BRINP3: variants seen among roughly 807,000 people sequenced by gnomAD.
The protein encoded by BRINP3 is BMP/retinoic acid-inducible neural-specific protein 3.
In BRINP3, 19 loss-of-function variants were observed where a neutral mutation model predicts 71.0. The ratio of observed to expected loss-of-function variants is 0.27; its 90% CI spans 0.19 to 0.39. The LOEUF (loss-of-function observed/expected upper bound fraction) is 0.39. Ranked by LOEUF, BRINP3 falls within the 10% of genes least tolerant of loss-of-function variation. BRINP3 has a pLI of 1.00. For missense variants in BRINP3, 959 were observed against 940.8 expected (o/e 1.02, Z -0.25); for synonymous variants, 380 against 337.7 (o/e 1.13, Z -1.37).
intron 2 of BRINP3, among the ~76,000 whole-genome samples, chr1:190,435,772 A>C (rs1407476387): frequency 6.6e-6 from 1 of 152,010 alleles, no homozygotes; most frequent in Non-Finnish European, 1.5e-5. Context: ...TCAATTGTAC[A>C]ACCAAAACCT....
chr1:190,144,776 G>T (rs970413048), intron 7 of BRINP3, among the ~76,000 whole-genome samples: 8 of 151,864 alleles, frequency 5.3e-5, no homozygotes, highest in Non-Finnish European at 1.2e-4. Flanking sequence ...ATAACTCTTT[G>T]ACTATGTTTT....
intron 2 of BRINP3, chr1:190,302,648 G>A (rs939956337): frequency 1.3e-5 from 2 of 151,680 alleles, no homozygotes; most frequent in African/African-American, 4.8e-5. Flanking sequence ...TGCAGTACAT[G>A]CACCATGGCT....
intron 2 of BRINP3, among the ~76,000 whole-genome samples, chr1:190,365,340 A>G (rs536701561): frequency 1.3e-5 from 2 of 152,032 alleles, no homozygotes; most frequent in South Asian, 4.1e-4. Flanking sequence ...GCACATTCAT[A>G]TAAGCATTGA....
At chr1:190,319,375 C>A (rs932365269) in intron 2 of BRINP3, among the ~76,000 whole-genome samples, 2 of 152,032 alleles carry the variant, frequency 1.3e-5, no homozygotes, top group African/African-American at 4.8e-5. Flanking sequence ...TAGCTCTTAT[C>A]CCAAAGTTGT....
At chr1:190,216,660 T>C (rs561452402) in intron 6 of BRINP3, among the ~76,000 whole-genome samples, 2 of 152,060 alleles carry the variant, frequency 1.3e-5, no homozygotes, top group South Asian at 4.1e-4. Context: ...CATTCTGTGC[T>C]AATCCTATCT....
intron 2 of BRINP3, among the ~76,000 whole-genome samples, chr1:190,443,278 G>T (rs1011786183): frequency 2.0e-5 from 3 of 151,256 alleles, no homozygotes; most frequent in Non-Finnish European, 3.0e-5. Context: ...TGTGGCGGGC[G>T]CCTGTAATCC....
At chr1:190,100,072 A>T (rs1446273578) in intron 7 of BRINP3, among the ~76,000 whole-genome samples, 2 of 152,162 alleles carry the variant, frequency 1.3e-5, no homozygotes, top group Non-Finnish European at 2.9e-5. Context: ...AGCCTCTATA[A>T]CACACAGTTC....
chr1:190,473,771 CTA>C lies in BRINP3; in HGVS notation c.-51+3675_-51+3676del, dbSNP rs756698740. The stretch of plus-strand genomic sequence containing the variant: ...TTTGGGGAAGAAAACCCATAATTTT[CTA>C]TTTTTTTTTTTTTTTCAGTTTTCCA... On this transcript the variant is annotated intron_variant, in intron 1 of 7. Transcript: ENST00000367462. 4.4e-3 allele frequency among the ~76,000 whole-genome samples: 418 copies of C among 95,344 alleles called. 1 individual carries two copies. The highest frequency in any genetic ancestry group is 5.7e-3 in the Non-Finnish European group (237 of 41,676). 62.5% of individuals were successfully genotyped at this position (95,344 alleles called of 152,430 possible).
intron 2 of BRINP3, among the ~76,000 whole-genome samples, chr1:190,333,599 G>C (rs1667102105): frequency 6.6e-6 from 1 of 151,776 alleles, no homozygotes. Flanking sequence ...ACCTTGTAAA[G>C]ACAAAATTTT....
At chr1:190,467,286 G>T (rs1676823167) in intron 1 of BRINP3, among the ~76,000 whole-genome samples, 1 of 151,464 alleles carries the variant, frequency 6.6e-6, no homozygotes, top group Admixed American at 6.6e-5. Context: ...TATGAGCAAT[G>T]ATTACATATT....
At chr1:190,364,264 TC>T (rs947520660) in intron 2 of BRINP3, among the ~76,000 whole-genome samples, 15 of 152,128 alleles carry the variant, frequency 9.9e-5, no homozygotes, top group African/African-American at 3.6e-4. Context: ...CAGAGATATC[TC>T]TAGTAAGCAT....
chr1:190,459,495 C>G (rs2102652408), intron 1 of BRINP3, among the ~76,000 whole-genome samples: 1 of 151,810 alleles, frequency 6.6e-6, no homozygotes, highest in East Asian at 1.9e-4. Context: ...ACTGAAACTA[C>G]AAAGATATAA....
chr1:190,212,061 T>G (rs918053368), intron 6 of BRINP3, among the ~76,000 whole-genome samples: 3 of 152,098 alleles, frequency 2.0e-5, no homozygotes, highest in Non-Finnish European at 4.4e-5. Flanking sequence ...CATAACGATA[T>G]CATGTAAATC....
chr1:190,299,772 C>T (rs1664534631), intron 2 of BRINP3, among the ~76,000 whole-genome samples: 1 of 151,846 alleles, frequency 6.6e-6, no homozygotes, highest in South Asian at 2.1e-4. Context: ...TCAGCATTTG[C>T]TTGTCTGTAA....
chr1:190,374,172 A>G (rs1670042605), intron 2 of BRINP3, among the ~76,000 whole-genome samples: 2 of 152,112 alleles, frequency 1.3e-5, no homozygotes, highest in Non-Finnish European at 2.9e-5. Context: ...CACAAATTAT[A>G]CTAGGAACAA....
Position 190,226,328 on chromosome 1 carries a change from C to A in BRINP3, c.725-10G>T. On this transcript the variant is annotated splice_polypyrimidine_tract_variant and intron_variant, in intron 5 of 7. Coordinates refer to ENST00000367462, the MANE Select transcript of BRINP3 (RefSeq NM_199051.3). ...AGAAGTACTTGAAGCCCTTGAAGAA[C>A]AAACAAAGAAATTAACAAATTTACT... 2.0e-6 allele frequency: 3 copies of A among 1,479,986 alleles called. No individual in the cohort carries two copies. The highest frequency in any genetic ancestry group is 2.7e-6 in the Non-Finnish European group (3 of 1,102,358). 91.7% of individuals were successfully genotyped at this position (1,479,986 alleles called of 1,614,324 possible). A position where few individuals can be genotyped will look rare whatever the true frequency, so the allele number is the denominator to read the frequency against.
At chr1:190,337,311 A>G (rs6701370) in intron 2 of BRINP3, among the ~76,000 whole-genome samples, 2,490 of 152,080 alleles carry the variant, frequency 0.016, 61 homozygotes, top group African/African-American at 0.055. Context: ...GATGGTTACT[A>G]TTGTTACTCA....
At chr1:190,388,359 C>A (rs1036622491) in intron 2 of BRINP3, among the ~76,000 whole-genome samples, 2 of 151,676 alleles carry the variant, frequency 1.3e-5, no homozygotes, top group African/African-American at 4.8e-5. Flanking sequence ...AGCCCAGTAC[C>A]TATGACTGTG....
intron 1 of BRINP3, among the ~76,000 whole-genome samples, chr1:190,468,228 A>T (rs1276090272): frequency 1.3e-5 from 2 of 151,362 alleles, no homozygotes; most frequent in African/African-American, 4.8e-5. Context: ...GTAATTAAAG[A>T]ATCATGATAA....
Sources: allele counts gnomAD v4.1 joint callset (sites outside exome capture counted in the v4.1 genomes callset), GRCh38; gene constraint gnomAD v4.1.1; transcripts MANE v1.5; gene names NCBI Gene and HGNC (gene_info 2026-07-23, HGNC 2026-07-21).